Variants in KDSR observed in about 807,000 individuals in gnomAD.
The protein encoded by KDSR is 3-dehydrosphinganine reductase.
Under a neutral mutation model 41.3 loss-of-function variants are expected in KDSR, and 23 were observed. The ratio of observed to expected loss-of-function variants is 0.56; its 90% CI spans 0.40 to 0.79. The LOEUF (loss-of-function observed/expected upper bound fraction) is 0.79. KDSR is among the 30% of genes least tolerant of loss of function. The pLI, the probability that KDSR is intolerant of heterozygous loss-of-function variation, is 0.00. For synonymous variants in KDSR, 138 were observed against 151.7 expected (o/e 0.91, Z 0.66); for missense variants, 351 against 416.8 (o/e 0.84, Z 1.37).
In KDSR at chr18:63,328,784, A is replaced by G. The variant is rs1329147078; in HGVS notation, c.*2998T>C. On this transcript the variant is annotated 3_prime_UTR_variant, in exon 10 of 10. Transcript: ENST00000645214. ...ATGAAGTCCTTGAACATATTTGGGG[A>G]TTTTTATGGCTCAATGTTAATTTTT... 5.4e-6 allele frequency: 1 copy of G among 184,098 alleles called. No individual in the cohort carries two copies. Among genetic ancestry groups the G allele is most frequent in the African/African-American group, 2.3e-5 (1 of 42,554 alleles). 11.4% of individuals were successfully genotyped at this position (184,098 alleles called of 1,614,324 possible). A position where few individuals can be genotyped will look rare whatever the true frequency, so the allele number is the denominator to read the frequency against.
chr18:63,332,261 A>C (rs1914025443), intron 9 of KDSR, among the ~76,000 whole-genome samples: 1 of 152,228 alleles, frequency 6.6e-6, no homozygotes, highest in Non-Finnish European at 1.5e-5. Context: ...TGTTCTGAGC[A>C]TGAAAGCGAG....
chr18:63,344,355 A>G, intron 7 of KDSR, 55 bp downstream of exon 7: 1 of 1,240,604 alleles, frequency 8.1e-7, no homozygotes, highest in Non-Finnish European at 1.2e-6. Flanking sequence ...GTAGAAAGAA[A>G]ATCAGAAAAG....
chr18:63,363,274 GGTTA>G (rs1210779743), intron 1 of KDSR, among the ~76,000 whole-genome samples: 8 of 140,254 alleles, frequency 5.7e-5, no homozygotes, highest in African/African-American at 8.1e-5. Context: ...ACATTGTGCA[GGTTA>G]GTTACATATG....
At chr18:63,333,710 C>T (rs921270242) in intron 9 of KDSR, among the ~76,000 whole-genome samples, 12 of 152,264 alleles carry the variant, frequency 7.9e-5, no homozygotes, top group African/African-American at 2.9e-4. Context: ...ATTTTAAAAT[C>T]TTAAACACAC....
chr18:63,361,017 A>ATATATATATAAAAAATATATATAT (rs761703297), intron 2 of KDSR, among the ~76,000 whole-genome samples: 7 of 106,898 alleles, frequency 6.5e-5, no homozygotes, highest in African/African-American at 1.3e-4. Context: ...TATATATATA[A>ATATATATATAAAAAATATATATAT]AATATATAAT....
intron 6 of KDSR, 126 bp from the exon 7 acceptor site, chr18:63,344,619 G>T (rs1429224098): frequency 1.6e-6 from 1 of 629,570 alleles, no homozygotes. Context: ...TCTGTTAGGC[G>T]GGGAACTACA....
chr18:63,339,597 T>G (rs989997089), intron 7 of KDSR, among the ~76,000 whole-genome samples: 2 of 152,236 alleles, frequency 1.3e-5, no homozygotes, highest in Admixed American at 1.3e-4. Flanking sequence ...AAGCCTTCCC[T>G]AAATACCTAA....
At chr18:63,353,707 T>C (rs2144369292) in intron 5 of KDSR, among the ~76,000 whole-genome samples, 1 of 152,278 alleles carries the variant, frequency 6.6e-6, no homozygotes, top group Admixed American at 6.5e-5. Flanking sequence ...CAAAAACTGA[T>C]GCTAAGAGAA....
chr18:63,356,434 A>G (rs1914798186), intron 3 of KDSR, among the ~76,000 whole-genome samples: 1 of 152,144 alleles, frequency 6.6e-6, no homozygotes, highest in South Asian at 2.1e-4. Context: ...CATATGATTA[A>G]TTTTAAAACA....
chr18:63,362,898 A>G, intron 1 of KDSR, 30 bp from the exon 2 acceptor site: 1 of 1,457,480 alleles, frequency 6.9e-7, no homozygotes, highest in Non-Finnish European at 9.6e-7. Context: ...TATTCTTAGC[A>G]CTTGAAATCT....
At chr18:63,342,937 G>A (rs748296271) in intron 7 of KDSR, among the ~76,000 whole-genome samples, 3 of 152,120 alleles carry the variant, frequency 2.0e-5, no homozygotes, top group Non-Finnish European at 2.9e-5. Context: ...GTGATACTGA[G>A]TGAGTTCTCA....
intron 6 of KDSR, among the ~76,000 whole-genome samples, chr18:63,348,964 C>T (rs557755101): frequency 1.3e-5 from 2 of 152,312 alleles, no homozygotes; most frequent in East Asian, 1.9e-4. Flanking sequence ...AGGCTTGGAT[C>T]GTGTTGTGAT....
At chr18:63,349,496 C>G (rs570113726) in intron 6 of KDSR, among the ~76,000 whole-genome samples, 30 of 152,376 alleles carry the variant, frequency 2.0e-4, no homozygotes, top group African/African-American at 6.7e-4. Flanking sequence ...TCACAGACAT[C>G]AGTGTCCTAT....
At chr18:63,351,129 A>C (rs1398406745) in intron 5 of KDSR, 50 bp from the exon 6 acceptor site, 6 of 1,442,574 alleles carry the variant, frequency 4.2e-6, no homozygotes, top group Non-Finnish European at 5.6e-6. Context: ...AAGGCTGTGC[A>C]CATGGAGAAT....
chr18:63,358,499 A>C (rs1391168444), intron 3 of KDSR, among the ~76,000 whole-genome samples: 1 of 152,122 alleles, frequency 6.6e-6, no homozygotes, highest in Non-Finnish European at 1.5e-5. Context: ...AATAAGAATG[A>C]TATAATAAAA....
Position 63,329,890 on chromosome 18 carries a change from T to C in KDSR, c.*1892A>G, listed in dbSNP as rs1386481842. On this transcript the variant is annotated 3_prime_UTR_variant, in exon 10 of 10. Transcript: ENST00000645214. ...TCTGCAAATTATAAAAAGCTATGAT[T>C]CCATTTTAGCAGCTGCACAACGCAA... The C allele has an allele frequency of 1.6e-5, 3 of 193,200 alleles. No homozygotes were observed. The East Asian group carries it at 2.4e-4, about 16-fold the overall frequency. 12.0% of individuals were successfully genotyped at this position (193,200 alleles called of 1,614,324 possible). A position where few individuals can be genotyped will look rare whatever the true frequency, so the allele number is the denominator to read the frequency against.
chr18:63,345,897 G>A (rs886948527), intron 6 of KDSR: 2 of 150,892 alleles, frequency 1.3e-5, no homozygotes, highest in East Asian at 2.0e-4. Flanking sequence ...AGTTGAGATC[G>A]TGCCACTGTA....
chr18:63,362,923 G>T, intron 1 of KDSR, 55 bp from the exon 2 acceptor site: 1 of 1,237,018 alleles, frequency 8.1e-7, no homozygotes, highest in Non-Finnish European at 1.2e-6. Context: ...TCTGTAGGAA[G>T]TTTTTATAAA....
In KDSR at chr18:63,330,544, A is replaced by C. The variant is rs1306165336; in HGVS notation, c.*1238T>G. The stretch of plus-strand genomic sequence containing the variant: ...AGTTAGATGAGTGGGCTTCCTTAGC[A>C]TGTGGTATAAAAATAATGTCTGCAG... On this transcript the variant is annotated 3_prime_UTR_variant, in exon 10 of 10. Coordinates refer to ENST00000645214, the MANE Select transcript of KDSR (RefSeq NM_002035.4). 1 of 231,934 alleles carries C rather than the reference A, an allele frequency of 4.3e-6. No homozygotes were observed. The highest frequency in any genetic ancestry group is 2.2e-5 in the African/African-American group (1 of 45,274). The allele number at this position is 231,934 out of a possible 1,614,324, so 14.4% of individuals were successfully genotyped here. A position where few individuals can be genotyped will look rare whatever the true frequency, so the allele number is the denominator to read the frequency against.
Sources: allele counts gnomAD v4.1 joint callset (sites outside exome capture counted in the v4.1 genomes callset), GRCh38; gene constraint gnomAD v4.1.1; transcripts MANE v1.5; gene names NCBI Gene and HGNC (gene_info 2026-07-23, HGNC 2026-07-21).